Variants in STK33 observed in about 807,000 individuals in gnomAD.
The protein encoded by STK33 is serine/threonine kinase 33.
STK33 carries 52 observed loss-of-function variants against 58.0 expected under a neutral mutation model. The ratio of observed to expected loss-of-function variants is 0.90; its 90% CI spans 0.72 to 1.13. The LOEUF (loss-of-function observed/expected upper bound fraction) is 1.13. Ranked by LOEUF, STK33 falls within the 50% of genes most tolerant of loss-of-function variation. The probability of loss-of-function intolerance (pLI) is 0.00; values close to 1 mark genes in which losing one functional copy is unlikely to be tolerated. For missense variants in STK33, 630 were observed against 604.2 expected, an observed-to-expected ratio of 1.04 and a Z score of -0.45; for synonymous variants, 215 against 200.1, an observed-to-expected ratio of 1.07 and a Z score of -0.63.
At chr11:8,440,830 A>C in intron 11 of STK33, 77 bp from the exon 12 acceptor site, 4 of 1,417,578 alleles carry the variant, frequency 2.8e-6, no homozygotes, top group Non-Finnish European at 3.9e-6. Flanking sequence ...AAGCATGAAA[A>C]ATGTGCTGAT....
In STK33 at chr11:8,587,587, T is replaced by TAA. The variant is rs11312849; in HGVS notation, c.-466+6494_-466+6495dup. Among the ~76,000 whole-genome samples, 392 of 141,634 alleles carry TAA rather than the reference T, an allele frequency of 2.8e-3. 1 individual carries two copies. Among genetic ancestry groups the TAA allele is most frequent in the African/African-American group, 9.6e-3 (368 of 38,378 alleles). 92.9% of individuals were successfully genotyped at this position (141,634 alleles called of 152,430 possible). ...AGAGGGAGGAGTTTTCAATGGAAGG[T>TAA]AAAAAAAAAAAAAAAAAAAGATGAA... On this transcript the variant is annotated intron_variant, in intron 1 of 15. Transcript: ENST00000687296.
At chr11:8,471,403 T>C (rs1202758967) in intron 6 of STK33, among the ~76,000 whole-genome samples, 1 of 152,218 alleles carries the variant, frequency 6.6e-6, no homozygotes, top group African/African-American at 2.4e-5. Context: ...ATTAAAATGA[T>C]AATGTAGATC....
chr11:8,340,358 G>GT, the STK33 span, among the ~76,000 whole-genome samples: 1 of 152,250 alleles, frequency 6.6e-6, no homozygotes, highest in East Asian at 1.9e-4. Context: ...GGGACCTTTG[G>GT]TTTTGTTCAC....
At chr11:8,363,647 G>A in the STK33 span, among the ~76,000 whole-genome samples, 2,920 of 152,346 alleles carry the variant, frequency 0.019, 51 homozygotes, top group Middle Eastern at 0.041. Flanking sequence ...TTTGCACAGC[G>A]GTGCGTGCAG....
intron 1 of STK33, among the ~76,000 whole-genome samples, chr11:8,501,746 C>A (rs1157347211): frequency 6.6e-6 from 1 of 152,128 alleles, no homozygotes. Flanking sequence ...TTCACAGCAG[C>A]ATTATTCATA....
At chr11:8,569,447 C>A (rs1957656134) in intron 1 of STK33, among the ~76,000 whole-genome samples, 1 of 152,182 alleles carries the variant, frequency 6.6e-6, no homozygotes, top group Non-Finnish European at 1.5e-5. Flanking sequence ...CTATCTCACA[C>A]CACCCACAGA....
At chr11:8,483,700 C>A (rs1189415373) in intron 1 of STK33, among the ~76,000 whole-genome samples, 2 of 152,072 alleles carry the variant, frequency 1.3e-5, no homozygotes, top group Non-Finnish European at 2.9e-5. Context: ...TAGGCTCCAG[C>A]CAGTACAATC....
chr11:8,458,132 C>T (rs1267009066), intron 8 of STK33, among the ~76,000 whole-genome samples: 3 of 152,066 alleles, frequency 2.0e-5, no homozygotes, highest in Admixed American at 6.6e-5. Context: ...ACCAATTGTG[C>T]ATTTCTAAAT....
At chr11:8,576,531 T>C (rs1034049443) in intron 1 of STK33, among the ~76,000 whole-genome samples, 6 of 152,240 alleles carry the variant, frequency 3.9e-5, no homozygotes, top group African/African-American at 1.2e-4. Context: ...ATTTCATCAC[T>C]TCAAATGCTT....
intron 1 of STK33, among the ~76,000 whole-genome samples, chr11:8,514,423 TAAACTA>T (rs1366186721): frequency 7.2e-5 from 11 of 152,148 alleles, no homozygotes; most frequent in Non-Finnish European, 1.5e-4. Flanking sequence ...TGTAAAAAAT[TAAACTA>T]AAACTAATTT....
chr11:8,547,933 G>A (rs1565333506), intron 1 of STK33, among the ~76,000 whole-genome samples: 1 of 150,434 alleles, frequency 6.6e-6, no homozygotes, highest in Non-Finnish European at 1.5e-5. Flanking sequence ...AACACCGCAT[G>A]TTCTCACTCA....
chr11:8,568,300 T>C (rs1369234589), intron 1 of STK33, among the ~76,000 whole-genome samples: 1 of 152,200 alleles, frequency 6.6e-6, no homozygotes, highest in Non-Finnish European at 1.5e-5. Context: ...TAAAATGGCA[T>C]AAAAGTTCCT....
intron 14 of STK33, among the ~76,000 whole-genome samples, chr11:8,429,759 C>G (rs1943194847): frequency 6.6e-6 from 1 of 152,126 alleles, no homozygotes; most frequent in Admixed American, 6.6e-5. Flanking sequence ...CCAGCCTGTT[C>G]CAATACTCAT....
In STK33 at chr11:8,459,784, A is replaced by G. The variant is rs1169079062; in HGVS notation, c.558+2021T>C. On this transcript the variant is annotated intron_variant, in intron 8 of 15. Coordinates refer to ENST00000687296, the MANE Select transcript of STK33 (RefSeq NM_001352389.2). Reference sequence around the variant, plus strand: ...GGAGCATCAAAGAGGAGAATGCTGTAGAGAGAGAAATCTCCAGAGATTTGC... The same window carrying G: ...GGAGCATCAAAGAGGAGAATGCTGTGGAGAGAGAAATCTCCAGAGATTTGC... 2.0e-5 allele frequency among the ~76,000 whole-genome samples: 3 copies of G among 152,162 alleles called. No individual in the cohort carries two copies. The East Asian group carries it at 5.8e-4, about 29-fold the overall frequency.
the STK33 span, among the ~76,000 whole-genome samples, chr11:8,356,588 G>C: frequency 1.3e-5 from 2 of 152,126 alleles, no homozygotes; most frequent in African/African-American, 4.8e-5. Context: ...TGGAGCATGA[G>C]GGCACCCAGG....
intron 8 of STK33, among the ~76,000 whole-genome samples, chr11:8,459,914 C>A (rs1274866722): frequency 6.6e-6 from 1 of 152,184 alleles, no homozygotes; most frequent in Non-Finnish European, 1.5e-5. Context: ...AGGGAACAAT[C>A]ACTGGAGCTT....
chr11:8,514,806 T>C (rs1952631506), intron 1 of STK33, among the ~76,000 whole-genome samples: 1 of 152,198 alleles, frequency 6.6e-6, no homozygotes, highest in South Asian at 2.1e-4. Flanking sequence ...ATTTAATTTT[T>C]TTAAAACAGC....
At chr11:8,432,887 C>T (rs558604314) in intron 14 of STK33, among the ~76,000 whole-genome samples, 2 of 152,298 alleles carry the variant, frequency 1.3e-5, no homozygotes, top group African/African-American at 4.8e-5. Context: ...CTTCTCTATC[C>T]ATTTGGCAAA....
intron 1 of STK33, among the ~76,000 whole-genome samples, chr11:8,501,149 G>C (rs1951487091): frequency 6.6e-6 from 1 of 152,140 alleles, no homozygotes; most frequent in Non-Finnish European, 1.5e-5. Flanking sequence ...CAGTTTCTTA[G>C]ATATGACACC....
Sources: gnomAD v4.1 joint callset for allele counts (sites outside exome capture counted in the v4.1 genomes callset) on GRCh38, gnomAD v4.1.1 for gene constraint, MANE v1.5 for transcripts, NCBI Gene and HGNC (gene_info 2026-07-23, HGNC 2026-07-21) for gene names.